The following TNKS2 variants were observed in gnomAD, a reference collection of about 807,000 sequenced individuals.
TNKS2 encodes the protein tankyrase 2, also known as poly [ADP-ribose] polymerase tankyrase-2.
A neutral mutation model predicts 137.6 loss-of-function variants in TNKS2; 72 were observed. The observed-to-expected ratio is 0.52, with a 90% confidence interval of 0.43 to 0.64. The LOEUF (loss-of-function observed/expected upper bound fraction) is 0.64, where lower values mean the gene tolerates loss of function less well. Ranked by LOEUF, TNKS2 falls within the 30% of genes least tolerant of loss-of-function variation. TNKS2 has a pLI of 0.00. For synonymous variants in TNKS2, 516 were observed against 512.1 expected, an observed-to-expected ratio of 1.01 and a Z score of -0.10; for missense variants, 1,049 against 1,410.2, an observed-to-expected ratio of 0.74 and a Z score of 4.10.
At chr10:91,812,014 C>A (rs961816539) in intron 1 of TNKS2, among the ~76,000 whole-genome samples, 1 of 149,710 alleles carries the variant, frequency 6.7e-6, no homozygotes, top group South Asian at 2.1e-4. Flanking sequence ...GAGCCGAGAT[C>A]GTGCCACGCA....
intron 20 of TNKS2, among the ~76,000 whole-genome samples, chr10:91,850,889 G>T (rs1323544157): frequency 2.0e-5 from 3 of 152,326 alleles, no homozygotes; most frequent in Non-Finnish European, 2.9e-5. Flanking sequence ...ACTTTGAACA[G>T]TGATGCAGAA....
intron 1 of TNKS2, among the ~76,000 whole-genome samples, chr10:91,808,967 C>T (rs1844412601): frequency 2.0e-5 from 3 of 152,208 alleles, no homozygotes; most frequent in South Asian, 4.2e-4. Context: ...CTTCACTCTT[C>T]CATTACTGAG....
chr10:91,848,344 C>T (rs543046448), intron 18 of TNKS2, 39 bp from the exon 19 acceptor site: 6 of 1,583,198 alleles, frequency 3.8e-6, no homozygotes, highest in Middle Eastern at 1.7e-4. Context: ...CATTTTAAAA[C>T]TTGCTTATGG....
At chr10:91,806,046 T>C (rs1241638332) in intron 1 of TNKS2, among the ~76,000 whole-genome samples, 12 of 37,248 alleles carry the variant, frequency 3.2e-4, no homozygotes, top group African/African-American at 5.7e-4. Flanking sequence ...CTTTCTCTTT[T>C]TTTTTTTTTT....
intron 3 of TNKS2, 58 bp from the exon 4 acceptor site, chr10:91,819,212 T>A: frequency 9.3e-7 from 1 of 1,079,784 alleles, no homozygotes. Context: ...TCTTTTTGCA[T>A]AAAACTCATT....
intron 7 of TNKS2, among the ~76,000 whole-genome samples, chr10:91,823,181 CAAGATT>C (rs1844956028): frequency 1.3e-5 from 2 of 152,032 alleles, no homozygotes; most frequent in African/African-American, 4.8e-5. Context: ...GATATAATAG[CAAGATT>C]TGCCAGTTGT....
intron 18 of TNKS2, among the ~76,000 whole-genome samples, chr10:91,847,645 C>T (rs1014689844): frequency 2.6e-5 from 4 of 152,188 alleles, no homozygotes; most frequent in African/African-American, 4.8e-5. Flanking sequence ...TAAGCCACTG[C>T]ACCTGGCCCC....
rs533874982 is a variant in TNKS2 at position 91,803,399 on chromosome 10, T to G, written c.199+4510T>G. On this transcript the variant is annotated intron_variant, in intron 1 of 26. Coordinates refer to ENST00000371627, the MANE Select transcript of TNKS2 (RefSeq NM_025235.4). ...GCATGGTGGCACAGAACTGACACTC[T>G]GGGAGGCAAAGACAGGAGTATCACT... Among the ~76,000 whole-genome samples, 3 of 152,116 alleles carry G rather than the reference T, an allele frequency of 2.0e-5. No homozygotes were observed. In the East Asian group the frequency reaches 5.8e-4, roughly 29 times the overall value.
At chr10:91,803,063 C>T (rs1034006070) in intron 1 of TNKS2, among the ~76,000 whole-genome samples, 4 of 152,178 alleles carry the variant, frequency 2.6e-5, no homozygotes, top group South Asian at 2.1e-4. Flanking sequence ...ATTTCATCAC[C>T]GTAGAGGCCA....
chr10:91,859,574 T>C lies in TNKS2; in HGVS notation c.3207T>C (p.Asn1069=). 1 of 1,614,038 alleles carries C rather than the reference T, an allele frequency of 6.2e-7. No homozygotes were observed. The highest frequency in any genetic ancestry group is 8.5e-7 in the Non-Finnish European group (1 of 1,179,960). ...TTGCTGAAAACTCTTCCAAAAGCAA[T>C]CAATATGTATATGGAATTGGAGGAG... ...IYFAENSSKS[N]QYVYGIGGGT... Residue 1069 remains asparagine, a synonymous_variant, in exon 25 of 27, where the codon AAT becomes AAC. Transcript: ENST00000371627.
chr10:91,823,578 C>G lies in TNKS2; in HGVS notation c.795+1216C>G, dbSNP rs1398083035. 2.0e-5 allele frequency among the ~76,000 whole-genome samples: 3 copies of G among 152,170 alleles called. No individual in the cohort carries two copies. The East Asian group carries it at 5.8e-4, about 29-fold the overall frequency. ...CAGACCTCAAGTGATCTGCCTGCCT[C>G]AGCCTCCCAAAGTGCTGAGATTAAC... On this transcript the variant is annotated intron_variant, in intron 7 of 26. Coordinates refer to ENST00000371627, the MANE Select transcript of TNKS2 (RefSeq NM_025235.4).
At chr10:91,861,877 A>G (rs1842861613) in intron 25 of TNKS2, 122 bp from the exon 26 acceptor site, 1 of 865,086 alleles carries the variant, frequency 1.2e-6, no homozygotes, top group Non-Finnish European at 1.7e-6. Flanking sequence ...GGGTGAAATG[A>G]TAAAAACAAT....
intron 24 of TNKS2, 128 bp from the exon 25 acceptor site, chr10:91,859,334 C>A (rs1842793779): frequency 1.6e-6 from 1 of 628,674 alleles, no homozygotes; most frequent in Non-Finnish European, 2.5e-6. Context: ...AACTTGTTAC[C>A]CTTTTTCGTT....
chr10:91,853,032 AC>A (rs1366671970), intron 21 of TNKS2, among the ~76,000 whole-genome samples: 2 of 152,182 alleles, frequency 1.3e-5, no homozygotes, highest in African/African-American at 4.8e-5. Flanking sequence ...AGAAACTAGA[AC>A]CCTCAGTTGT....
chr10:91,822,103 G>A (rs1236702658), intron 6 of TNKS2, among the ~76,000 whole-genome samples, 193 bp from the exon 7 acceptor site: 1 of 152,182 alleles, frequency 6.6e-6, no homozygotes, highest in Non-Finnish European at 1.5e-5. Context: ...GGATTTGAAA[G>A]AGACTTGGGA....
At chr10:91,854,951 A>T in intron 21 of TNKS2, 78 bp from the exon 22 acceptor site, 1 of 765,622 alleles carries the variant, frequency 1.3e-6, no homozygotes, top group Non-Finnish European at 2.1e-6. Context: ...AATCAGAAAA[A>T]TTAGGTGGTT....
intron 2 of TNKS2, among the ~76,000 whole-genome samples, chr10:91,815,385 C>T (rs1165766608): frequency 6.6e-6 from 1 of 152,166 alleles, no homozygotes; most frequent in African/African-American, 2.4e-5. Flanking sequence ...TAAATTGTTC[C>T]TGCCCTACAT....
chr10:91,850,596 G>A (rs1842512930), intron 20 of TNKS2, among the ~76,000 whole-genome samples: 1 of 150,980 alleles, frequency 6.6e-6, no homozygotes, highest in South Asian at 2.1e-4. Flanking sequence ...GCGGGCACCT[G>A]TAATCCCAGC....
Position 91,865,196 on chromosome 10 carries a change from T to G in TNKS2, c.*2197T>G, listed in dbSNP as rs530983663. ...TAACTTTTTGTGCAAGTAGTACTAT[T>G]ATACCCATCTTCAGTGTCTTACTTG... On this transcript the variant is annotated 3_prime_UTR_variant, in exon 27 of 27. Transcript: ENST00000371627. 6.5e-4 allele frequency: 99 copies of G among 152,730 alleles called. No homozygotes were observed. Among genetic ancestry groups the G allele is most frequent in the African/African-American group, 2.2e-3 (93 of 41,560 alleles). The allele number at this position is 152,730 out of a possible 1,614,324, so 9.5% of individuals were successfully genotyped here. A position where few individuals can be genotyped will look rare whatever the true frequency, so the allele number is the denominator to read the frequency against.
Sources: gnomAD v4.1 joint callset for allele counts (sites outside exome capture counted in the v4.1 genomes callset) on GRCh38, gnomAD v4.1.1 for gene constraint, MANE v1.5 for transcripts, NCBI Gene and HGNC (gene_info 2026-07-23, HGNC 2026-07-21) for gene names.